FRMPD4: variants seen among roughly 807,000 people sequenced by gnomAD.
The protein encoded by FRMPD4 is FERM and PDZ domain containing 4.
FRMPD4 carries 22 observed loss-of-function variants against 94.1 expected under a neutral mutation model. That is an observed-to-expected ratio of 0.23 (90% CI 0.17 to 0.33). The LOEUF (loss-of-function observed/expected upper bound fraction) is 0.33. Among genes scored for constraint, FRMPD4 ranks in the 10% least tolerant of loss-of-function variants. The pLI, the probability that FRMPD4 is intolerant of heterozygous loss-of-function variation, is 1.00. For missense variants in FRMPD4, 1,111 were observed against 1,339.9 expected, an observed-to-expected ratio of 0.83 and a Z score of 2.67; for synonymous variants, 631 against 548.6, an observed-to-expected ratio of 1.15 and a Z score of -2.10.
At chrX:12,624,852 C>T (rs764961389) in intron 4 of FRMPD4, among the ~76,000 whole-genome samples, 1 of 111,023 alleles carries the variant, frequency 9.0e-6, no homozygotes, top group African/African-American at 3.3e-5. Context: ...AAAGACAACT[C>T]ATAGGATGGG....
At chrX:12,300,424 A>AG (rs774975290) in intron 1 of FRMPD4, among the ~76,000 whole-genome samples, 1 of 111,876 alleles carries the variant, frequency 8.9e-6, no homozygotes, top group South Asian at 3.8e-4. Context: ...AATGAATGAA[A>AG]GGGGGAAGCA....
At chrX:12,490,484 A>T (rs2148210228) in intron 1 of FRMPD4, among the ~76,000 whole-genome samples, 1 of 112,355 alleles carries the variant, frequency 8.9e-6, no homozygotes, top group South Asian at 3.7e-4. Flanking sequence ...ATGCATTCCA[A>T]GCACCTAGAA....
intron 1 of FRMPD4, among the ~76,000 whole-genome samples, chrX:12,401,693 G>T (rs1376769636): frequency 8.9e-6 from 1 of 111,932 alleles, no homozygotes; most frequent in Non-Finnish European, 1.9e-5. Context: ...CCTTAGATAT[G>T]TTATCCTATG....
intron 3 of FRMPD4, among the ~76,000 whole-genome samples, chrX:12,035,728 G>A (rs2054717138): frequency 1.8e-5 from 2 of 110,986 alleles, no homozygotes; most frequent in African/African-American, 3.3e-5. Flanking sequence ...ATTTTAAAGC[G>A]AGGTCCAACA....
intron 2 of FRMPD4, among the ~76,000 whole-genome samples, chrX:11,865,602 A>T (rs914158921): frequency 1.3e-4 from 14 of 111,997 alleles, no homozygotes; most frequent in African/African-American, 4.5e-4. Context: ...TCACCATTTT[A>T]TGAATATGGA....
intron 4 of FRMPD4, among the ~76,000 whole-genome samples, chrX:12,655,990 T>C (rs1427455058): frequency 8.9e-6 from 1 of 112,362 alleles, no homozygotes; most frequent in African/African-American, 3.2e-5. Flanking sequence ...AACTACTTTT[T>C]ACATTACTGT....
chrX:12,572,610 T>C (rs1344516655), intron 2 of FRMPD4, among the ~76,000 whole-genome samples: 1 of 112,352 alleles, frequency 8.9e-6, no homozygotes, highest in Non-Finnish European at 1.9e-5. Flanking sequence ...GCAGCATTTC[T>C]GGCTTCTACC....
At chrX:12,582,044 T>G (rs2058871354) in intron 2 of FRMPD4, among the ~76,000 whole-genome samples, 1 of 112,421 alleles carries the variant, frequency 8.9e-6, no homozygotes, top group Non-Finnish European at 1.9e-5. Flanking sequence ...GTGTGTATGC[T>G]TGTCTGCTGT....
Position 12,693,739 on chromosome X carries a change from G to C in FRMPD4, c.814-596G>C, listed in dbSNP as rs749587116. Among the ~76,000 whole-genome samples the C allele has an allele frequency of 5.4e-5, 6 of 112,052 alleles. No individual in the cohort carries two copies. In the East Asian group the frequency reaches 1.7e-3, roughly 31 times the overall value. The stretch of plus-strand genomic sequence containing the variant: ...TGTTATGCAATAATAAACCATACTG[G>C]ACAATCTCTCTGCTGTCTCTTTGGA... On this transcript the variant is annotated intron_variant, in intron 8 of 16. Coordinates refer to ENST00000675598, the MANE Select transcript of FRMPD4 (RefSeq NM_001368397.1).
chrX:12,080,925 C>T (rs965665753), intron 3 of FRMPD4, among the ~76,000 whole-genome samples: 2 of 112,312 alleles, frequency 1.8e-5, no homozygotes, highest in Admixed American at 9.4e-5. Flanking sequence ...ATGTGCCAGA[C>T]TTAACTAGTG....
intron 1 of FRMPD4, among the ~76,000 whole-genome samples, chrX:12,307,872 C>T (rs1038996955): frequency 1.8e-5 from 2 of 111,181 alleles, no homozygotes; most frequent in East Asian, 2.8e-4. Flanking sequence ...ACTTGGCAAG[C>T]GTTTGGATGA....
intron 1 of FRMPD4, among the ~76,000 whole-genome samples, chrX:11,830,288 A>G (rs1174518480): frequency 2.7e-5 from 3 of 112,357 alleles, no homozygotes; most frequent in Non-Finnish European, 3.8e-5. Context: ...AAAGAGTTGA[A>G]ATAGCCAATG....
chrX:12,622,002 GAAAGAAAGA>G (rs2059298357), intron 4 of FRMPD4, among the ~76,000 whole-genome samples: 1 of 47,444 alleles, frequency 2.1e-5, no homozygotes, highest in Admixed American at 2.4e-4. Flanking sequence ...AAGAAAGAAA[GAAAGAAAGA>G]AAGAAAGGAA....
At chrX:12,388,850 T>TATATATATACACAC (rs1491368741) in intron 1 of FRMPD4, among the ~76,000 whole-genome samples, 23 of 73,460 alleles carry the variant, frequency 3.1e-4, no homozygotes, top group African/African-American at 9.0e-4. Flanking sequence ...TATATATATA[T>TATATATATACACAC]ACACACAATG....
At chrX:12,692,571 T>G (rs2060089385) in intron 8 of FRMPD4, among the ~76,000 whole-genome samples, 1 of 112,507 alleles carries the variant, frequency 8.9e-6, no homozygotes, top group Non-Finnish European at 1.9e-5. Flanking sequence ...ATTATTTATA[T>G]ACTACTTAAA....
chrX:12,280,085 A>T (rs766772634), intron 1 of FRMPD4, among the ~76,000 whole-genome samples: 15 of 110,489 alleles, frequency 1.4e-4, no homozygotes, highest in Admixed American at 1.2e-3. Context: ...GCGCACATGC[A>T]CACACGTGTA....
At chrX:11,907,738 A>G (rs1055870233) in intron 3 of FRMPD4, among the ~76,000 whole-genome samples, 1 of 111,827 alleles carries the variant, frequency 8.9e-6, no homozygotes, top group African/African-American at 3.3e-5. Flanking sequence ...GGGGACACAA[A>G]CATTCAGTTC....
At chrX:12,195,617 G>A (rs2056557865) in intron 1 of FRMPD4, among the ~76,000 whole-genome samples, 1 of 111,596 alleles carries the variant, frequency 9.0e-6, no homozygotes, top group African/African-American at 3.3e-5. Flanking sequence ...CACAATTACT[G>A]AAATTCCAGA....
chrX:12,593,255 T>G (rs1411943035), intron 2 of FRMPD4, among the ~76,000 whole-genome samples: 1 of 112,306 alleles, frequency 8.9e-6, no homozygotes, highest in Non-Finnish European at 1.9e-5. Context: ...TTGAAAATGA[T>G]TTTTCCACAG....
Sources: gnomAD v4.1 joint callset for allele counts (sites outside exome capture counted in the v4.1 genomes callset) on GRCh38, gnomAD v4.1.1 for gene constraint, MANE v1.5 for transcripts, NCBI Gene and HGNC (gene_info 2026-07-23, HGNC 2026-07-21) for gene names.